The following PPARG variants were observed in gnomAD, a reference collection of about 807,000 sequenced individuals.
The protein encoded by PPARG is peroxisome proliferator activated receptor gamma.
Under a neutral mutation model 39.2 loss-of-function variants are expected in PPARG, and 17 were observed. The ratio of observed to expected loss-of-function variants is 0.43; its 90% CI spans 0.30 to 0.65. The LOEUF (loss-of-function observed/expected upper bound fraction) is 0.65, where lower values mean the gene tolerates loss of function less well. Among genes scored for constraint, PPARG ranks in the 30% least tolerant of loss-of-function variants. PPARG has a pLI of 0.13. For missense variants in PPARG, 406 were observed against 585.9 expected, an observed-to-expected ratio of 0.69 and a Z score of 3.17; for synonymous variants, 223 against 215.7, an observed-to-expected ratio of 1.03 and a Z score of -0.30.
intron 7 of PPARG, among the ~76,000 whole-genome samples, chr3:12,418,010 A>G (rs1205985131): frequency 7.1e-6 from 1 of 141,772 alleles, no homozygotes; most frequent in Non-Finnish European, 1.5e-5. Flanking sequence ...GCAGTTAGTA[A>G]GCTATGATCA....
intron 1 of PPARG, among the ~76,000 whole-genome samples, chr3:12,303,320 C>A (rs760401279): frequency 1.3e-5 from 2 of 152,118 alleles, no homozygotes; most frequent in Non-Finnish European, 2.9e-5. Flanking sequence ...CCTTACCCTC[C>A]TGAGTAGCTG....
intron 6 of PPARG, among the ~76,000 whole-genome samples, chr3:12,412,501 A>T (rs1000290570): frequency 1.3e-5 from 2 of 152,216 alleles, no homozygotes; most frequent in African/African-American, 2.4e-5. Flanking sequence ...AAATATATCA[A>T]AATTAATTAT....
At chr3:12,427,367 G>A (rs1023356758) in intron 7 of PPARG, among the ~76,000 whole-genome samples, 1 of 152,142 alleles carries the variant, frequency 6.6e-6, no homozygotes. Context: ...AACCCCAAAC[G>A]TGTCTGCATC....
intron 3 of PPARG, among the ~76,000 whole-genome samples, chr3:12,380,991 T>C (rs909917619): frequency 1.3e-5 from 2 of 152,216 alleles, no homozygotes; most frequent in Admixed American, 1.3e-4. Context: ...AGACAGAACA[T>C]TTCCTAGCAA....
chr3:12,297,836 C>G (rs916952025), intron 1 of PPARG: 2 of 151,818 alleles, frequency 1.3e-5, no homozygotes, highest in African/African-American at 2.4e-5. Flanking sequence ...TATTATGTTC[C>G]TTTTTTTCTA....
intron 1 of PPARG, among the ~76,000 whole-genome samples, chr3:12,307,127 G>A (rs1196112706): frequency 7.0e-6 from 1 of 141,920 alleles, no homozygotes; most frequent in Non-Finnish European, 1.5e-5. Flanking sequence ...ATCAACCGCT[G>A]TTAGGAAATT....
chr3:12,361,231 A>G (rs1386603366), intron 2 of PPARG, among the ~76,000 whole-genome samples: 1 of 152,138 alleles, frequency 6.6e-6, no homozygotes, highest in African/African-American at 2.4e-5. Flanking sequence ...CAAGTCTTTC[A>G]CCCATTTTTA....
At chr3:12,310,941 A>C (rs2047224208) in intron 1 of PPARG, among the ~76,000 whole-genome samples, 1 of 151,982 alleles carries the variant, frequency 6.6e-6, no homozygotes, top group Non-Finnish European at 1.5e-5. Context: ...AACACATTAG[A>C]GTGTGTTTAT....
intron 7 of PPARG, among the ~76,000 whole-genome samples, chr3:12,424,179 T>C (rs2051358883): frequency 6.6e-6 from 1 of 152,180 alleles, no homozygotes; most frequent in South Asian, 2.1e-4. Flanking sequence ...TGGCACCCAA[T>C]TTTTAAAAAC....
At chr3:12,315,046 T>A (rs915856066) in intron 2 of PPARG, among the ~76,000 whole-genome samples, 1 of 152,206 alleles carries the variant, frequency 6.6e-6, no homozygotes, top group Non-Finnish European at 1.5e-5. Context: ...CACAGTGCTA[T>A]AGATCATTAG....
intron 5 of PPARG, among the ~76,000 whole-genome samples, chr3:12,400,948 T>C (rs1195736751): frequency 6.6e-6 from 1 of 152,238 alleles, no homozygotes; most frequent in Non-Finnish European, 1.5e-5. Flanking sequence ...CTGCATTCAG[T>C]GCAGTATTCA....
At chr3:12,413,816 CAAA>C (rs10575755) in intron 6 of PPARG, among the ~76,000 whole-genome samples, 671 of 60,972 alleles carry the variant, frequency 0.011, 9 homozygotes, top group African/African-American at 0.026. Context: ...AACTCCATCT[CAAA>C]AAAAAAAAAA....
At chr3:12,389,599 A>C (rs1043564717) in intron 4 of PPARG, among the ~76,000 whole-genome samples, 1 of 152,208 alleles carries the variant, frequency 6.6e-6, no homozygotes, top group Non-Finnish European at 1.5e-5. Context: ...ATCTCTCAAG[A>C]ATGAGAGTGA....
At chr3:12,310,458 C>CTTTTTTTTT (rs1204347882) in intron 1 of PPARG, among the ~76,000 whole-genome samples, 4 of 69,912 alleles carry the variant, frequency 5.7e-5, no homozygotes, top group Non-Finnish European at 1.1e-4. Flanking sequence ...TATTTGAGCC[C>CTTTTTTTTT]TTTTTTTTTT....
chr3:12,299,469 T>G (rs2046874629), intron 1 of PPARG, among the ~76,000 whole-genome samples: 1 of 152,148 alleles, frequency 6.6e-6, no homozygotes. Context: ...CCTATTATCT[T>G]AGGTTATGTT....
intron 1 of PPARG, among the ~76,000 whole-genome samples, chr3:12,302,870 C>A (rs939522405): frequency 6.6e-6 from 1 of 152,026 alleles, no homozygotes; most frequent in East Asian, 1.9e-4. Flanking sequence ...CTGCAAAATC[C>A]GGACATACCA....
intron 2 of PPARG, among the ~76,000 whole-genome samples, chr3:12,339,202 C>G (rs2048103437): frequency 6.6e-6 from 1 of 152,048 alleles, no homozygotes; most frequent in African/African-American, 2.4e-5. Context: ...AAACCAAACA[C>G]ATGAGACCAT....
At chr3:12,405,741 A>T (rs1236517491) in intron 5 of PPARG, 141 bp from the exon 6 acceptor site, 4 of 796,606 alleles carry the variant, frequency 5.0e-6, no homozygotes, top group Non-Finnish European at 8.4e-6. Flanking sequence ...ACATGAGCAA[A>T]GTGGTAGACA....
chr3:12,335,620 A>G (rs1361671593), intron 2 of PPARG, among the ~76,000 whole-genome samples: 1 of 152,208 alleles, frequency 6.6e-6, no homozygotes, highest in African/African-American at 2.4e-5. Flanking sequence ...GCCAGATGCA[A>G]CAATTCTTAA....
Sources: allele counts gnomAD v4.1 joint callset (sites outside exome capture counted in the v4.1 genomes callset), GRCh38; gene constraint gnomAD v4.1.1; transcripts MANE v1.5; gene names NCBI Gene and HGNC (gene_info 2026-07-23, HGNC 2026-07-21).